Variants in EDN1 observed in about 807,000 individuals in gnomAD.
EDN1 encodes endothelin-1.
A neutral mutation model predicts 21.7 loss-of-function variants in EDN1; 11 were observed. That is an observed-to-expected ratio of 0.51 (90% CI 0.32 to 0.84). EDN1 has a LOEUF of 0.84. EDN1 is among the 40% of genes least tolerant of loss of function. The probability of loss-of-function intolerance (pLI) is 0.03; values close to 1 mark genes in which losing one functional copy is unlikely to be tolerated. For synonymous variants in EDN1, 85 were observed against 90.6 expected (o/e 0.94, Z 0.35); for missense variants, 244 against 262.3 (o/e 0.93, Z 0.48).
chr6:12,266,569 A>G, the EDN1 span, among the ~76,000 whole-genome samples: 19 of 152,302 alleles, frequency 1.2e-4, 1 homozygote, highest in African/African-American at 3.4e-4. Context: ...CAGACTTGCA[A>G]GTGCTAAGGT....
chr6:12,273,754 A>G, the EDN1 span, among the ~76,000 whole-genome samples: 1 of 152,114 alleles, frequency 6.6e-6, no homozygotes, highest in African/African-American at 2.4e-5. Context: ...CATACAATTC[A>G]AGTGAGACTC....
At chr6:12,258,921 G>A in the EDN1 span, among the ~76,000 whole-genome samples, 9 of 152,022 alleles carry the variant, frequency 5.9e-5, no homozygotes, top group African/African-American at 1.9e-4. Context: ...CAGGGCCATG[G>A]AATTTCCTGT....
rs373723137 is a variant in EDN1, at chr6:12,296,081, C to A, written c.*14C>A. On this transcript the variant is annotated 3_prime_UTR_variant, in exon 5 of 5. Transcript: ENST00000379375. ...GCACATTGGTGACAGACCTTCGGGGCCTGTCTGAAGCCATAGCCTCCACGG... is the reference window on the plus strand; with the variant it reads ...GCACATTGGTGACAGACCTTCGGGGACTGTCTGAAGCCATAGCCTCCACGG... 5.6e-6 allele frequency: 9 copies of A among 1,607,480 alleles called. No homozygotes were observed. Among genetic ancestry groups the A allele is most frequent in the Non-Finnish European group, 7.7e-6 (9 of 1,174,008 alleles).
the EDN1 span, among the ~76,000 whole-genome samples, chr6:12,250,880 T>C: frequency 6.6e-6 from 1 of 152,248 alleles, no homozygotes; most frequent in African/African-American, 2.4e-5. Context: ...TTGGCATCTT[T>C]GTATATAACA....
chr6:12,275,202 C>T, the EDN1 span, among the ~76,000 whole-genome samples: 5 of 152,320 alleles, frequency 3.3e-5, no homozygotes, highest in South Asian at 1.0e-3. Flanking sequence ...GGCTGTCAGG[C>T]CTCAGAGCCC....
the EDN1 span, among the ~76,000 whole-genome samples, chr6:12,268,303 G>A: frequency 6.6e-6 from 1 of 152,126 alleles, no homozygotes; most frequent in Non-Finnish European, 1.5e-5. Context: ...CTTCTGGAAA[G>A]GATTAACCAT....
At chr6:12,287,718 A>T (rs796195829), upstream of EDN1, among the ~76,000 whole-genome samples, 21,583 of 60,608 alleles carry the variant, frequency 0.36, 1,928 homozygotes, top group South Asian at 0.45. Context: ...TCTCTCACAC[A>T]CACACACACA....
the EDN1 span, among the ~76,000 whole-genome samples, chr6:12,245,786 A>G: frequency 6.6e-6 from 1 of 152,166 alleles, no homozygotes; most frequent in Admixed American, 6.5e-5. Context: ...TGGGGTGATT[A>G]TTTGGAGATT....
At chr6:12,260,791 A>G in the EDN1 span, among the ~76,000 whole-genome samples, 1 of 152,048 alleles carries the variant, frequency 6.6e-6, no homozygotes, top group Non-Finnish European at 1.5e-5. Flanking sequence ...GTGTGTTAGC[A>G]AATTATCTCC....
At chr6:12,244,492 G>A in the EDN1 span, among the ~76,000 whole-genome samples, 1 of 152,184 alleles carries the variant, frequency 6.6e-6, no homozygotes, top group Non-Finnish European at 1.5e-5. Context: ...TTTCAGCAAC[G>A]AATAATGTTT....
chr6:12,265,488 C>G, the EDN1 span, among the ~76,000 whole-genome samples: 2 of 152,158 alleles, frequency 1.3e-5, no homozygotes, highest in South Asian at 4.1e-4. Context: ...CAGAAAGACA[C>G]CAGACATGTG....
the EDN1 span, among the ~76,000 whole-genome samples, chr6:12,250,291 G>GT: frequency 6.6e-6 from 1 of 151,980 alleles, no homozygotes; most frequent in Non-Finnish European, 1.5e-5. Flanking sequence ...TTTGTCCTTT[G>GT]TTTTTTCTGT....
chr6:12,295,116 G>A (rs1248539980), intron 4 of EDN1, among the ~76,000 whole-genome samples: 1 of 151,990 alleles, frequency 6.6e-6, no homozygotes, highest in Non-Finnish European at 1.5e-5. Context: ...GAATTCACAA[G>A]CTCAAAGGAG....
chr6:12,260,551 T>A, the EDN1 span, among the ~76,000 whole-genome samples: 1 of 152,206 alleles, frequency 6.6e-6, no homozygotes, highest in South Asian at 2.1e-4. Context: ...TCTCAGTGCA[T>A]ACCTTCCTCT....
In EDN1 at chr6:12,290,416, A is replaced by T; in HGVS notation, c.-214A>T. On this transcript the variant is annotated 5_prime_UTR_variant, in exon 1 of 5. Transcript: ENST00000379375. ...CGGGTCCTGCGCCTCCTGCAGTCCC[A>T]GCTCTCCACCGCCGCGTGCGCCTGC... 1 of 587,866 alleles carries T rather than the reference A, an allele frequency of 1.7e-6. No homozygotes were observed. The highest frequency in any genetic ancestry group is 3.0e-6 in the Non-Finnish European group (1 of 331,026). 36.4% of individuals were successfully genotyped at this position (587,866 alleles called of 1,614,324 possible). A position where few individuals can be genotyped will look rare whatever the true frequency, so the allele number is the denominator to read the frequency against.
At chr6:12,262,866 C>G in the EDN1 span, among the ~76,000 whole-genome samples, 1 of 135,890 alleles carries the variant, frequency 7.4e-6, no homozygotes, top group East Asian at 2.5e-4. Flanking sequence ...AAGCAAAACC[C>G]TGTTTAAAAA....
In EDN1 at chr6:12,293,806, T is replaced by G. The variant is rs574757234; in HGVS notation, c.234-135T>G. ...CAGGTGTTCCTGGCTGTTGTTACAC[T>G]TTACCCTCTGAAATGATGCTCCCAA... On this transcript the variant is annotated intron_variant, in intron 2 of 4. Transcript: ENST00000379375. The G allele has an allele frequency of 1.2e-4, 117 of 988,260 alleles. No homozygotes were observed. In the African/African-American group the frequency reaches 1.7e-3, roughly 14 times the overall value. 61.2% of individuals were successfully genotyped at this position (988,260 alleles called of 1,614,324 possible).
intron 1 of EDN1, among the ~76,000 whole-genome samples, chr6:12,291,568 G>A (rs1018568409): frequency 1.3e-5 from 2 of 152,194 alleles, no homozygotes; most frequent in African/African-American, 4.8e-5. Context: ...GGGCAGATAA[G>A]CTGCATGGCT....
chr6:12,268,784 C>A, the EDN1 span, among the ~76,000 whole-genome samples: 1 of 152,022 alleles, frequency 6.6e-6, no homozygotes, highest in African/African-American at 2.4e-5. Context: ...CTCAAAATTG[C>A]TTTGGCTATT....
Sources: gnomAD v4.1 joint callset for allele counts (sites outside exome capture counted in the v4.1 genomes callset) on GRCh38, gnomAD v4.1.1 for gene constraint, MANE v1.5 for transcripts, NCBI Gene and HGNC (gene_info 2026-07-23, HGNC 2026-07-21) for gene names.